PTK7: variants seen among roughly 807,000 people sequenced by gnomAD.
PTK7 encodes the protein protein tyrosine kinase 7 (inactive).
In PTK7, 39 loss-of-function variants were observed where a neutral mutation model predicts 116.6. The observed-to-expected ratio is 0.33, with a 90% confidence interval of 0.26 to 0.44. The LOEUF (loss-of-function observed/expected upper bound fraction) is 0.44, where lower values mean the gene tolerates loss of function less well. PTK7 is among the 20% of genes least tolerant of loss of function. The pLI is 1.00. For missense variants in PTK7, 1,169 were observed against 1,425.6 expected, an observed-to-expected ratio of 0.82 and a Z score of 2.90; for synonymous variants, 546 against 563.6, an observed-to-expected ratio of 0.97 and a Z score of 0.44.
intron 1 of PTK7, among the ~76,000 whole-genome samples, chr6:43,084,871 A>ATG (rs1164279433): frequency 2.6e-5 from 4 of 152,082 alleles, no homozygotes; most frequent in Non-Finnish European, 5.9e-5. Flanking sequence ...TGATGAATAG[A>ATG]TGTAGTCAGT....
intron 1 of PTK7, among the ~76,000 whole-genome samples, chr6:43,098,491 G>C (rs139389921): frequency 7.2e-4 from 109 of 152,074 alleles, no homozygotes; most frequent in Non-Finnish European, 1.5e-3. Flanking sequence ...AAGTAGCTGG[G>C]ATTACAGGCG....
At chr6:43,138,096 A>C (rs1171323173) in intron 7 of PTK7, among the ~76,000 whole-genome samples, 1 of 152,208 alleles carries the variant, frequency 6.6e-6, no homozygotes, top group Non-Finnish European at 1.5e-5. Context: ...GGCGTGAGCC[A>C]CTGTGCCTGG....
intron 7 of PTK7, chr6:43,132,971 T>A: frequency 1.7e-6 from 1 of 572,894 alleles, no homozygotes; most frequent in Non-Finnish European, 3.1e-6. Context: ...TGGGTCCCAC[T>A]ATGCTCCCAA....
intron 1 of PTK7, among the ~76,000 whole-genome samples, chr6:43,100,679 G>A (rs1260258316): frequency 6.6e-6 from 1 of 152,050 alleles, no homozygotes; most frequent in Non-Finnish European, 1.5e-5. Flanking sequence ...ATTGTGAACA[G>A]GGCATTATAC....
intron 1 of PTK7, among the ~76,000 whole-genome samples, chr6:43,078,492 C>T (rs1745957930): frequency 1.3e-5 from 2 of 151,690 alleles, no homozygotes; most frequent in Non-Finnish European, 1.5e-5. Context: ...TAGTGAAATC[C>T]TGGGACTCAA....
chr6:43,132,925 C>T lies in PTK7; in HGVS notation c.1228+238C>T, dbSNP rs183455085. On this transcript the variant is annotated intron_variant, in intron 7 of 19. Transcript: ENST00000230419. ...TCACAGAAAAATGGTCCTCTGGGTA[C>T]AGAGGAAAGAGCAATAGACTAGGAA... 4.5e-4 allele frequency: 279 copies of T among 616,442 alleles called. No individual in the cohort carries two copies. The East Asian group carries it at 7.4e-3, about 16-fold the overall frequency. The allele number at this position is 616,442 out of a possible 1,614,324, so 38.2% of individuals were successfully genotyped here.
rs532996858 is a variant in PTK7 at position 43,115,414 on chromosome 6, G to A, written c.80-13563G>A. 7.9e-5 allele frequency among the ~76,000 whole-genome samples: 12 copies of A among 152,238 alleles called. No individual in the cohort carries two copies. In the East Asian group the frequency reaches 2.1e-3, roughly 27 times the overall value. ...AAGATCTGATGGTTTGACTGTAGCC[G>A]AGCAGGTGGCCTGTCCTCATCCCCC... On this transcript the variant is annotated intron_variant, in intron 1 of 19. Coordinates refer to ENST00000230419, the MANE Select transcript of PTK7 (RefSeq NM_002821.5).
chr6:43,103,262 C>T (rs575518140), intron 1 of PTK7, among the ~76,000 whole-genome samples: 18 of 152,212 alleles, frequency 1.2e-4, no homozygotes, highest in African/African-American at 3.6e-4. Flanking sequence ...TAAAACCAGT[C>T]GAAGGGGGTG....
chr6:43,092,573 C>G (rs184861668), intron 1 of PTK7, among the ~76,000 whole-genome samples: 4 of 148,776 alleles, frequency 2.7e-5, no homozygotes, highest in Non-Finnish European at 4.4e-5. Context: ...TAGAACATAT[C>G]CCCCCCAGGA....
chr6:43,138,047 G>T (rs1031580416), intron 7 of PTK7, among the ~76,000 whole-genome samples: 4 of 152,126 alleles, frequency 2.6e-5, no homozygotes, highest in African/African-American at 7.2e-5. Context: ...GACCTCAAAT[G>T]ATCTGCCCGC....
intron 17 of PTK7, among the ~76,000 whole-genome samples, chr6:43,154,603 C>G (rs764392247): frequency 4.6e-5 from 7 of 151,988 alleles, no homozygotes; most frequent in South Asian, 2.1e-4. Context: ...GGTTTCATGA[C>G]ATAGAGATTG....
rs1245281469 is a variant in PTK7, at chr6:43,106,286, A to G, written c.80-22691A>G. 4.0e-5 allele frequency among the ~76,000 whole-genome samples: 6 copies of G among 151,748 alleles called. No individual in the cohort carries two copies. In the East Asian group the frequency reaches 1.2e-3, roughly 29 times the overall value. On this transcript the variant is annotated intron_variant, in intron 1 of 19. Transcript: ENST00000230419. ...GTGCTTCTGACTTGTTCTATTTGCC[A>G]AGTCCCGTTCCTTTTTTTGTTTTTG...
rs1240165140 is a variant in PTK7, at chr6:43,142,093, T to C, written c.1919+12T>C. 1 of 1,612,228 alleles carries C rather than the reference T, an allele frequency of 6.2e-7. No individual in the cohort carries two copies. The highest frequency in any genetic ancestry group is 1.3e-5 in the African/African-American group (1 of 74,730). Reference sequence around the variant, plus strand: ...AAGCTGGGACCCAGGTAGGGCCACCTCTCTCCCACACCCGTCCCTCCTCTC... The same window carrying C: ...AAGCTGGGACCCAGGTAGGGCCACCCCTCTCCCACACCCGTCCCTCCTCTC... On this transcript the variant is annotated intron_variant, in intron 12 of 19. Coordinates refer to ENST00000230419, the MANE Select transcript of PTK7 (RefSeq NM_002821.5).
intron 1 of PTK7, among the ~76,000 whole-genome samples, chr6:43,106,423 G>A (rs559177637): frequency 1.3e-3 from 200 of 151,882 alleles, no homozygotes; most frequent in African/African-American, 4.6e-3. Flanking sequence ...TCCTCCTGTT[G>A]CAGCCTCCCA....
rs1766000910 is a variant in PTK7 at position 43,076,386 on chromosome 6, T to G, written c.-103T>G. 2.2e-6 allele frequency: 2 copies of G among 912,586 alleles called. No individual in the cohort carries two copies. Among genetic ancestry groups the G allele is most frequent in the South Asian group, 6.1e-5 (2 of 33,032 alleles). 56.5% of individuals were successfully genotyped at this position (912,586 alleles called of 1,614,324 possible). A position where few individuals can be genotyped will look rare whatever the true frequency, so the allele number is the denominator to read the frequency against. ...GTCGGGCTCCGGCTGCGGCTGCTGC[T>G]GCGGCGCCCGCGCTCCGGTGCGCTC... On this transcript the variant is annotated 5_prime_UTR_variant, in exon 1 of 20. Transcript: ENST00000230419. The surrounding 1 kb of genome is among the most constrained non-coding windows in gnomAD (Gnocchi z 5.7).
chr6:43,088,702 T>TA (rs923298864), intron 1 of PTK7, among the ~76,000 whole-genome samples: 1 of 151,014 alleles, frequency 6.6e-6, no homozygotes, highest in Non-Finnish European at 1.5e-5. Flanking sequence ...AATAAATAAA[T>TA]AAATAAATAA....
chr6:43,138,396 G>A (rs951238725), intron 7 of PTK7, among the ~76,000 whole-genome samples: 3 of 152,092 alleles, frequency 2.0e-5, no homozygotes, highest in Non-Finnish European at 2.9e-5. Context: ...AGGTGCTGGT[G>A]GCCGGGCGTG....
rs1286241437 is a variant in PTK7 at position 43,139,887 on chromosome 6, G to GT, written c.1618+363dup. Among the ~76,000 whole-genome samples, 34 of 152,330 alleles carry GT rather than the reference G, an allele frequency of 2.2e-4. No individual in the cohort carries two copies. The South Asian group carries it at 2.5e-3, about 11-fold the overall frequency. ...CCAACACTTTGGGAAGCCGAGATGG[G>GT]TGGGTCACTTGAGGCCAGGAGTTTG... is the stretch of plus-strand genomic sequence containing the variant. On this transcript the variant is annotated intron_variant, in intron 10 of 19. Transcript: ENST00000230419. This position sits in a 1 kb window ranked among gnomAD's most constrained non-coding sequence, Gnocchi z 4.6.
At position 43,160,910 on chromosome 6, in the gene PTK7, C is replaced by T. The variant is rs370470203; in HGVS notation, c.*29C>T. 6.2e-7 allele frequency: 1 copy of T among 1,608,986 alleles called. No homozygotes were observed. The highest frequency in any genetic ancestry group is 8.5e-7 in the Non-Finnish European group (1 of 1,178,138). ...GGGAGCCCGCTCAGGATGGCCTGGG[C>T]AGGGGAGGACATCTCTAGAGGGAAG... is the stretch of plus-strand genomic sequence containing the variant. On this transcript the variant is annotated 3_prime_UTR_variant, in exon 20 of 20. Transcript: ENST00000230419.
Sources: allele counts gnomAD v4.1 joint callset (sites outside exome capture counted in the v4.1 genomes callset), GRCh38; gene constraint gnomAD v4.1.1; non-coding constraint Gnocchi (gnomAD v3.1); transcripts MANE v1.5; gene names NCBI Gene and HGNC (gene_info 2026-07-23, HGNC 2026-07-21).